CEMIP: variants seen among roughly 807,000 people sequenced by gnomAD.
CEMIP encodes cell migration inducing hyaluronidase 1.
Under a neutral mutation model 156.9 loss-of-function variants are expected in CEMIP, and 105 were observed. The observed-to-expected ratio is 0.67, with a 90% confidence interval of 0.57 to 0.79. CEMIP has a LOEUF of 0.79. Among genes scored for constraint, CEMIP ranks in the 30% least tolerant of loss-of-function variants. The pLI, the probability that CEMIP is intolerant of heterozygous loss-of-function variation, is 0.00. For missense variants in CEMIP, 1,457 were observed against 1,769.4 expected (o/e 0.82, Z 3.17); for synonymous variants, 676 against 668.4 (o/e 1.01, Z -0.17).
chr15:80,839,752 G>A (rs1377855661), intron 1 of CEMIP, among the ~76,000 whole-genome samples: 2 of 152,184 alleles, frequency 1.3e-5, no homozygotes, highest in Non-Finnish European at 2.9e-5. Context: ...CAGGCACAGG[G>A]CTGGATGTGT....
At chr15:80,841,784 T>C (rs1897426113) in intron 1 of CEMIP, among the ~76,000 whole-genome samples, 1 of 152,164 alleles carries the variant, frequency 6.6e-6, no homozygotes. Flanking sequence ...TGGGAATTAA[T>C]AGCAACATTG....
At position 80,810,635 on chromosome 15, in the gene CEMIP, G is replaced by A. The variant is rs777107115; in HGVS notation, c.-176+31021G>A. ...CTCCCAAAGTGCTGGGATTACAGGC[G>A]TGAGCCACCATGCCCGGCCTACCTG... On this transcript the variant is annotated intron_variant, in intron 1 of 29. Coordinates refer to ENST00000394685, the MANE Select transcript of CEMIP (RefSeq NM_001293298.2). Among the ~76,000 whole-genome samples the A allele has an allele frequency of 5.3e-5, 8 of 152,184 alleles. No individual in the cohort carries two copies. The South Asian group carries it at 8.3e-4, about 16-fold the overall frequency.
At position 80,895,936 on chromosome 15, in the gene CEMIP, T is replaced by C. The variant is rs745555869; in HGVS notation, c.1287T>C (p.Asn429=). The change falls in exon 12 of 30, where the codon AAT becomes AAC. Residue 429 remains asparagine, a synonymous_variant. Transcript: ENST00000394685. ...GCACCATTCTGAACTTGGAGGATAA[T>C]GTACAGTCATGGAAACCTGGAGATA... ...VNSTILNLED[N]VQSWKPGDTL... 6.2e-7 allele frequency: 1 copy of C among 1,614,120 alleles called. No homozygotes were observed. The highest frequency in any genetic ancestry group is 1.1e-5 in the South Asian group (1 of 91,078).
intron 1 of CEMIP, among the ~76,000 whole-genome samples, chr15:80,830,858 A>G (rs1437577273): frequency 6.6e-6 from 1 of 152,044 alleles, no homozygotes; most frequent in Non-Finnish European, 1.5e-5. Flanking sequence ...ACATCTGTTA[A>G]CTTCTCTGAG....
At chr15:80,836,844 A>T (rs976525432) in intron 1 of CEMIP, among the ~76,000 whole-genome samples, 1 of 152,240 alleles carries the variant, frequency 6.6e-6, no homozygotes, top group South Asian at 2.1e-4. Flanking sequence ...GTAGGAAGTT[A>T]TAAGTGATAT....
At position 80,878,811 on chromosome 15, in the gene CEMIP, A is replaced by G. The variant is rs1476543397; in HGVS notation, c.185A>G (p.Lys62Arg). The change falls in exon 4 of 30, where the codon AAG becomes AGG. Residue 62 changes from lysine (K) to arginine (R), a missense_variant. Lys to Arg is a conservative substitution (Grantham distance 26). Transcript: ENST00000394685. ...CACCATGTGCATATCGGCCAGGGCA[A>G]GACACTGCTGCTCACCTCTTCTGCC... ...QDHHVHIGQG[K>R]TLLLTSSATV... The G allele has an allele frequency of 6.2e-7, 1 of 1,614,208 alleles. No individual in the cohort carries two copies. Among genetic ancestry groups the G allele is most frequent in the Non-Finnish European group, 8.5e-7 (1 of 1,180,038 alleles).
At chr15:80,941,394 A>G (rs1367881387) in intron 25 of CEMIP, among the ~76,000 whole-genome samples, 1 of 152,142 alleles carries the variant, frequency 6.6e-6, no homozygotes, top group Non-Finnish European at 1.5e-5. Context: ...TGGTTTGGAG[A>G]AAACTAGAGA....
chr15:80,897,829 T>G (rs146051287), intron 12 of CEMIP, among the ~76,000 whole-genome samples: 1 of 152,088 alleles, frequency 6.6e-6, no homozygotes, highest in Non-Finnish European at 1.5e-5. Context: ...ACAATAAACT[T>G]TATCTCTAAG....
chr15:80,828,991 G>C (rs1897097539), intron 1 of CEMIP, among the ~76,000 whole-genome samples: 1 of 152,158 alleles, frequency 6.6e-6, no homozygotes, highest in Non-Finnish European at 1.5e-5. Flanking sequence ...CACAGAAAGT[G>C]GTCTGTGAAA....
intron 1 of CEMIP, among the ~76,000 whole-genome samples, chr15:80,869,398 G>T (rs756284647): frequency 6.6e-6 from 1 of 152,192 alleles, no homozygotes; most frequent in Non-Finnish European, 1.5e-5. Context: ...ATTCACAAGG[G>T]TGTGGTTGAT....
At chr15:80,938,260 C>T (rs115248636) in intron 25 of CEMIP, 14,919 of 406,550 alleles carry the variant, frequency 0.037, 408 homozygotes, top group Middle Eastern at 0.11. Flanking sequence ...ATCTTAGAAT[C>T]CAGAAAACAT....
intron 29 of CEMIP, chr15:80,948,032 T>A (rs1321856363): frequency 6.5e-6 from 1 of 152,676 alleles, no homozygotes; most frequent in Non-Finnish European, 1.5e-5. Flanking sequence ...AAGGAGGACA[T>A]AAGGAAAAGA....
At chr15:80,859,531 C>A (rs1897933822) in intron 1 of CEMIP, among the ~76,000 whole-genome samples, 1 of 152,330 alleles carries the variant, frequency 6.6e-6, no homozygotes, top group Admixed American at 6.5e-5. Context: ...AAGGCCTTTG[C>A]CCCACAAGGC....
chr15:80,841,796 A>G (rs1567065901), intron 1 of CEMIP, among the ~76,000 whole-genome samples: 1 of 152,218 alleles, frequency 6.6e-6, no homozygotes, highest in Non-Finnish European at 1.5e-5. Context: ...GCAACATTGC[A>G]TATGGGGAAA....
intron 12 of CEMIP, chr15:80,897,485 A>G (rs1256302205): frequency 2.6e-6 from 1 of 379,648 alleles, no homozygotes; most frequent in Non-Finnish European, 5.3e-6. Context: ...TGCCCACCTT[A>G]CACCTCAGAC....
chr15:80,900,780 A>C, intron 12 of CEMIP: 1 of 352,206 alleles, frequency 2.8e-6, no homozygotes, highest in Non-Finnish European at 5.6e-6. Context: ...TGTTGACAGG[A>C]TCAAGGATTC....
At chr15:80,848,148 C>T (rs1247213284) in intron 1 of CEMIP, among the ~76,000 whole-genome samples, 1 of 152,194 alleles carries the variant, frequency 6.6e-6, no homozygotes. Context: ...CCTGGAAAAA[C>T]ATCTGAGAGA....
At chr15:80,926,457 A>G (rs1004434487) in intron 19 of CEMIP, among the ~76,000 whole-genome samples, 1 of 152,230 alleles carries the variant, frequency 6.6e-6, no homozygotes, top group Admixed American at 6.5e-5. Flanking sequence ...GGAAATAAAC[A>G]TATTTCTCTA....
intron 1 of CEMIP, among the ~76,000 whole-genome samples, chr15:80,809,940 A>G (rs1474905408): frequency 6.6e-6 from 1 of 152,232 alleles, no homozygotes; most frequent in Non-Finnish European, 1.5e-5. Context: ...TAAAGGGCCC[A>G]TGTGATTAAA....
Sources: allele counts gnomAD v4.1 joint callset (sites outside exome capture counted in the v4.1 genomes callset), GRCh38; gene constraint gnomAD v4.1.1; transcripts MANE v1.5; gene names NCBI Gene and HGNC (gene_info 2026-07-23, HGNC 2026-07-21).